ASCC1: variants seen among roughly 807,000 people sequenced by gnomAD.
ASCC1 encodes the protein activating signal cointegrator 1 complex subunit 1.
A neutral mutation model predicts 46.6 loss-of-function variants in ASCC1; 35 were observed. The observed-to-expected ratio is 0.75, with a 90% CI of 0.57 to 0.99. The LOEUF is 0.99. Among genes scored for constraint, ASCC1 ranks in the 50% least tolerant of loss-of-function variants. The pLI, the probability that ASCC1 is intolerant of heterozygous loss-of-function variation, is 0.00. For missense variants in ASCC1, 376 were observed against 428.7 expected (o/e 0.88, Z 1.09); for synonymous variants, 143 against 146.6 (o/e 0.98, Z 0.18).
intron 7 of ASCC1, among the ~76,000 whole-genome samples, chr10:72,142,428 G>A (rs1431174262): frequency 1.3e-5 from 2 of 150,498 alleles, no homozygotes; most frequent in Admixed American, 6.6e-5. Context: ...GTGCAGTGGC[G>A]TGATCTCAGC....
At chr10:72,195,554 AT>A (rs1855277419) in intron 5 of ASCC1, among the ~76,000 whole-genome samples, 1 of 150,062 alleles carries the variant, frequency 6.7e-6, no homozygotes, top group African/African-American at 2.5e-5. Flanking sequence ...ATTTTATTTT[AT>A]TTTATTTATT....
intron 5 of ASCC1, among the ~76,000 whole-genome samples, chr10:72,177,906 A>G (rs1371669633): frequency 6.6e-6 from 1 of 152,202 alleles, no homozygotes; most frequent in East Asian, 1.9e-4. Context: ...TTAAATACTC[A>G]AGATTAGGGA....
At chr10:72,184,807 T>G (rs979172562) in intron 5 of ASCC1, among the ~76,000 whole-genome samples, 3 of 151,076 alleles carry the variant, frequency 2.0e-5, no homozygotes, top group South Asian at 2.1e-4. Flanking sequence ...AAAAAAAAAT[T>G]TATAACACAA....
chr10:72,205,419 TGAG>T (rs1235068080), intron 3 of ASCC1, among the ~76,000 whole-genome samples: 1 of 151,962 alleles, frequency 6.6e-6, no homozygotes, highest in Non-Finnish European at 1.5e-5. Context: ...TCACCTGAGG[TGAG>T]GAGATCGAGG....
At chr10:72,117,150 G>A (rs571750790) in intron 9 of ASCC1, among the ~76,000 whole-genome samples, 6 of 152,238 alleles carry the variant, frequency 3.9e-5, no homozygotes, top group South Asian at 4.1e-4. Flanking sequence ...TGATTTCTTC[G>A]AACACAGTAA....
intron 7 of ASCC1, among the ~76,000 whole-genome samples, chr10:72,147,588 A>G (rs1847797809): frequency 6.6e-6 from 1 of 152,098 alleles, no homozygotes; most frequent in South Asian, 2.1e-4. Flanking sequence ...TTTCCACTCT[A>G]AGAATTGGAA....
At chr10:72,149,464 A>AAAAAG (rs1848065569) in intron 7 of ASCC1, among the ~76,000 whole-genome samples, 2 of 141,194 alleles carry the variant, frequency 1.4e-5, no homozygotes, top group African/African-American at 5.6e-5. Flanking sequence ...AAAAAAAAAA[A>AAAAAG]GTGTTGTTGT....
At position 72,214,568 on chromosome 10, in the gene ASCC1, G is replaced by A. The variant is rs375694675; in HGVS notation, c.-33-1237C>T. 9.9e-5 allele frequency among the ~76,000 whole-genome samples: 15 copies of A among 151,726 alleles called. No homozygotes were observed. In the East Asian group the frequency reaches 2.9e-3, roughly 29 times the overall value. On this transcript the variant is annotated intron_variant, in intron 1 of 9. Coordinates refer to ENST00000672957, the MANE Select transcript of ASCC1 (RefSeq NM_001198800.3). ...TTTTTTGTATTTTTAGTAGAGATGG[G>A]GTTTCGTCATGTTGGCCAGGCTGGT...
chr10:72,201,640 G>A (rs978999443), intron 4 of ASCC1, among the ~76,000 whole-genome samples: 13 of 152,088 alleles, frequency 8.5e-5, no homozygotes, highest in African/African-American at 2.2e-4. Flanking sequence ...GAGCTATGAT[G>A]GAGCCAATCA....
At chr10:72,123,338 CAAAA>C (rs1309214553) in intron 9 of ASCC1, among the ~76,000 whole-genome samples, 3 of 58,962 alleles carry the variant, frequency 5.1e-5, no homozygotes, top group Non-Finnish European at 7.2e-5. Context: ...GACTCCGTCT[CAAAA>C]AAAAAAAAAA....
intron 6 of ASCC1, among the ~76,000 whole-genome samples, chr10:72,153,395 C>T (rs1368763025): frequency 6.6e-6 from 1 of 152,080 alleles, no homozygotes; most frequent in Non-Finnish European, 1.5e-5. Context: ...GAGGTATAAA[C>T]TGATATCACA....
At chr10:72,140,668 T>G (rs1846856356) in intron 7 of ASCC1, among the ~76,000 whole-genome samples, 1 of 151,716 alleles carries the variant, frequency 6.6e-6, no homozygotes, top group Non-Finnish European at 1.5e-5. Context: ...AACTCAAGAG[T>G]TGGAGGAGGG....
At chr10:72,133,438 A>C (rs923136855) in intron 7 of ASCC1, 1 of 455,298 alleles carries the variant, frequency 2.2e-6, no homozygotes, top group Non-Finnish European at 4.1e-6. Flanking sequence ...TCAACTCTAC[A>C]TGGAGAGGGC....
chr10:72,156,704 G>A (rs997986791), intron 6 of ASCC1, among the ~76,000 whole-genome samples: 50 of 151,620 alleles, frequency 3.3e-4, no homozygotes, highest in African/African-American at 1.1e-3. Flanking sequence ...CCCAGGGGGC[G>A]GAGCTTGCAG....
intron 5 of ASCC1, among the ~76,000 whole-genome samples, chr10:72,172,881 AT>A (rs1278449897): frequency 1.2e-4 from 16 of 132,306 alleles, no homozygotes; most frequent in African/African-American, 4.2e-4. Context: ...TATATATTAT[AT>A]TTTTATATTA....
intron 5 of ASCC1, among the ~76,000 whole-genome samples, chr10:72,178,557 A>G (rs1852152417): frequency 6.6e-6 from 1 of 152,178 alleles, no homozygotes; most frequent in African/African-American, 2.4e-5. Context: ...CAACAACCTG[A>G]ATGCACATGG....
chr10:72,206,472 G>A (rs146155958), intron 3 of ASCC1, among the ~76,000 whole-genome samples: 2 of 152,220 alleles, frequency 1.3e-5, no homozygotes, highest in African/African-American at 2.4e-5. Context: ...TAAGGTTGTC[G>A]TAAGGATTAA....
intron 7 of ASCC1, among the ~76,000 whole-genome samples, chr10:72,143,800 G>A (rs984164819): frequency 2.0e-5 from 3 of 151,074 alleles, no homozygotes; most frequent in African/African-American, 7.3e-5. Flanking sequence ...GAAATAGGTT[G>A]CAATCTCCTC....
At chr10:72,112,370 G>C (rs1046795206) in intron 9 of ASCC1, among the ~76,000 whole-genome samples, 4 of 152,128 alleles carry the variant, frequency 2.6e-5, no homozygotes, top group African/African-American at 9.7e-5. Context: ...ACCTAGAGTA[G>C]TCAAATTCAT....
Sources: allele counts gnomAD v4.1 joint callset (sites outside exome capture counted in the v4.1 genomes callset), GRCh38; gene constraint gnomAD v4.1.1; transcripts MANE v1.5; gene names NCBI Gene and HGNC (gene_info 2026-07-23, HGNC 2026-07-21).